Variants in ATP2B1 observed in about 807,000 individuals in gnomAD.
ATP2B1 encodes the protein plasma membrane calcium-transporting ATPase 1.
Under a neutral mutation model 124.2 loss-of-function variants are expected in ATP2B1, and 14 were observed. The ratio of observed to expected loss-of-function variants is 0.11; its 90% CI spans 0.07 to 0.18. The LOEUF (loss-of-function observed/expected upper bound fraction) is 0.18, where lower values mean the gene tolerates loss of function less well. Ranked by LOEUF, ATP2B1 falls within the 10% of genes least tolerant of loss-of-function variation. The probability of loss-of-function intolerance (pLI) is 1.00; values close to 1 mark genes in which losing one functional copy is unlikely to be tolerated. For missense variants in ATP2B1, 763 were observed against 1,466.1 expected (o/e 0.52, Z 7.83); for synonymous variants, 449 against 492.4 (o/e 0.91, Z 1.17).
At chr12:89,655,574 G>T (rs775299343) in intron 2 of ATP2B1, 105 bp downstream of exon 2, 1 of 1,113,202 alleles carries the variant, frequency 9.0e-7, no homozygotes, top group Non-Finnish European at 1.3e-6. Context: ...CTATAATTAT[G>T]TCATAATCAT....
chr12:89,646,106 G>A (rs1022291254), intron 2 of ATP2B1, among the ~76,000 whole-genome samples: 1 of 151,756 alleles, frequency 6.6e-6, no homozygotes, highest in African/African-American at 2.4e-5. Context: ...TTTTTGCGAG[G>A]GGGAGGGGTC....
intron 2 of ATP2B1, among the ~76,000 whole-genome samples, chr12:89,650,714 A>G (rs952639720): frequency 2.0e-5 from 3 of 152,218 alleles, no homozygotes; most frequent in South Asian, 2.1e-4. Flanking sequence ...TTTTTAATGT[A>G]GAACTCTGAA....
chr12:89,624,141 G>T, intron 9 of ATP2B1, 42 bp downstream of exon 9: 1 of 1,567,946 alleles, frequency 6.4e-7, no homozygotes, highest in Non-Finnish European at 8.7e-7. Context: ...ACCAGCTAAG[G>T]CTTTAAACAT....
chr12:89,631,329 A>G (rs1033764055), intron 5 of ATP2B1, among the ~76,000 whole-genome samples: 1 of 152,198 alleles, frequency 6.6e-6, no homozygotes, highest in Non-Finnish European at 1.5e-5. Context: ...ATGCTCATTA[A>G]TTGTAACCTA....
intron 12 of ATP2B1, 94 bp downstream of exon 12, chr12:89,616,708 C>A: frequency 8.1e-7 from 1 of 1,231,718 alleles, no homozygotes; most frequent in Non-Finnish European, 1.1e-6. Flanking sequence ...ATCACAAACA[C>A]CAAGAATTTT....
In ATP2B1 at chr12:89,616,703, A is replaced by C. The variant is rs1358284208; in HGVS notation, c.2067+99T>G. The stretch of plus-strand genomic sequence containing the variant: ...TTCACACAGAAAAAAAAAAAATCAC[A>C]AACACCAAGAATTTTACTAGAAAAC... On this transcript the variant is annotated intron_variant, in intron 12 of 20. Coordinates refer to ENST00000428670, the MANE Select transcript of ATP2B1 (RefSeq NM_001366521.1). 5.8e-6 allele frequency: 7 copies of C among 1,198,738 alleles called. No homozygotes were observed. The South Asian group carries it at 1.1e-4, about 18-fold the overall frequency. The allele number at this position is 1,198,738 out of a possible 1,614,324, so 74.3% of individuals were successfully genotyped here. A position where few individuals can be genotyped will look rare whatever the true frequency, so the allele number is the denominator to read the frequency against.
chr12:89,647,820 C>T (rs1884700878), intron 2 of ATP2B1, among the ~76,000 whole-genome samples: 1 of 152,106 alleles, frequency 6.6e-6, no homozygotes, highest in African/African-American at 2.4e-5. Context: ...GCATCATCCC[C>T]TTGGTAATAA....
At chr12:89,622,331 AC>A (rs1178316020) in intron 9 of ATP2B1, among the ~76,000 whole-genome samples, 2 of 152,032 alleles carry the variant, frequency 1.3e-5, no homozygotes, top group East Asian at 3.8e-4. Context: ...GATAGAGTTA[AC>A]ATATCAAAAC....
intron 6 of ATP2B1, among the ~76,000 whole-genome samples, chr12:89,628,513 A>C (rs1881311215): frequency 1.3e-5 from 2 of 152,120 alleles, no homozygotes; most frequent in Admixed American, 6.6e-5. Flanking sequence ...ACTTAGTAAA[A>C]CTAGAATACG....
chr12:89,659,120 C>G (rs1886358359), intron 1 of ATP2B1, among the ~76,000 whole-genome samples: 1 of 152,176 alleles, frequency 6.6e-6, no homozygotes, highest in Non-Finnish European at 1.5e-5. Context: ...GAGACACAGG[C>G]TATTTGGGAC....
chr12:89,634,282 A>G (rs1882346989), intron 5 of ATP2B1, among the ~76,000 whole-genome samples: 1 of 152,162 alleles, frequency 6.6e-6, no homozygotes, highest in Non-Finnish European at 1.5e-5. Flanking sequence ...TTATATCTCA[A>G]ACTCATTCTT....
intron 5 of ATP2B1, 44 bp from the exon 6 acceptor site, chr12:89,630,689 C>A (rs762096143): frequency 1.5e-6 from 2 of 1,360,936 alleles, no homozygotes; most frequent in Non-Finnish European, 1.9e-6. Flanking sequence ...ACTGATAGAT[C>A]TCCTTGCTAC....
rs185435856 is a variant in ATP2B1 at position 89,611,599 on chromosome 12, T to G, written c.2068-227A>C. The G allele has an allele frequency of 5.5e-4, 209 of 381,720 alleles. No homozygotes were observed. In the South Asian group the frequency reaches 7.3e-3, roughly 13 times the overall value. The allele number at this position is 381,720 out of a possible 1,614,324, so 23.6% of individuals were successfully genotyped here. ...ACTTAGCTCAGGCTTCGTTTTCAGT[T>G]GTCATCTACTAATTTGTTTGCAGTA... is the stretch of plus-strand genomic sequence containing the variant. On this transcript the variant is annotated intron_variant, in intron 12 of 20. Coordinates refer to ENST00000428670, the MANE Select transcript of ATP2B1 (RefSeq NM_001366521.1).
chr12:89,687,205 G>C (rs1890062389), intron 1 of ATP2B1, among the ~76,000 whole-genome samples: 1 of 152,050 alleles, frequency 6.6e-6, no homozygotes, highest in African/African-American at 2.4e-5. Flanking sequence ...TTTGATAATG[G>C]TCCCATAAGA....
At chr12:89,620,992 G>A (rs993799475) in intron 10 of ATP2B1, among the ~76,000 whole-genome samples, 9 of 151,978 alleles carry the variant, frequency 5.9e-5, no homozygotes, top group Non-Finnish European at 8.8e-5. Context: ...ACATAACATC[G>A]CATTCTTTCT....
chr12:89,658,598 GGAGAGAGAGAGAGAGAGAGAGAGAGAGA>G (rs67298800), intron 1 of ATP2B1, among the ~76,000 whole-genome samples: 1 of 69,578 alleles, frequency 1.4e-5, no homozygotes, highest in Non-Finnish European at 2.6e-5. Context: ...AATTCAAACA[GGAGAGAGAGAGAGAGAGAGAGAGAGAGA>G]GAGAGAGAGA....
At chr12:89,682,561 A>G (rs897583349) in intron 1 of ATP2B1, among the ~76,000 whole-genome samples, 3 of 152,214 alleles carry the variant, frequency 2.0e-5, no homozygotes, top group Non-Finnish European at 4.4e-5. Context: ...ACATACAGAA[A>G]TAAATATATG....
intron 15 of ATP2B1, among the ~76,000 whole-genome samples, chr12:89,607,432 T>C (rs1021236897): frequency 3.3e-5 from 5 of 152,178 alleles, no homozygotes; most frequent in African/African-American, 1.2e-4. Context: ...CCTGAGACAC[T>C]TGTCACTGTC....
At chr12:89,595,000 A>G (rs890380462) in intron 20 of ATP2B1, 1 of 152,092 alleles carries the variant, frequency 6.6e-6, no homozygotes, top group Non-Finnish European at 1.5e-5. Context: ...ATTGTTTTCC[A>G]AAGTTGGGTA....
Sources: allele counts gnomAD v4.1 joint callset (sites outside exome capture counted in the v4.1 genomes callset), GRCh38; gene constraint gnomAD v4.1.1; transcripts MANE v1.5; gene names NCBI Gene and HGNC (gene_info 2026-07-23, HGNC 2026-07-21).